The following CDH13 variants were observed in gnomAD, a reference collection of about 807,000 sequenced individuals.
CDH13 encodes the protein cadherin 13, also known as cadherin-13.
Under a neutral mutation model 63.8 loss-of-function variants are expected in CDH13, and 24 were observed. That is an observed-to-expected ratio of 0.38 (90% confidence interval 0.27 to 0.53). The LOEUF is 0.53. Ranked by LOEUF, CDH13 falls within the 20% of genes least tolerant of loss-of-function variation. The pLI, the probability that CDH13 is intolerant of heterozygous loss-of-function variation, is 0.85. For synonymous variants in CDH13, 503 were observed against 355.3 expected, an observed-to-expected ratio of 1.42 and a Z score of -4.67; for missense variants, 1,049 against 903.1, an observed-to-expected ratio of 1.16 and a Z score of -2.07.
intron 6 of CDH13, among the ~76,000 whole-genome samples, chr16:83,437,227 C>T (rs534271906): frequency 1.3e-5 from 2 of 152,126 alleles, no homozygotes; most frequent in African/African-American, 2.4e-5. Context: ...GGGTGAGTTA[C>T]TTGACCTCTC....
intron 4 of CDH13, among the ~76,000 whole-genome samples, chr16:83,125,962 A>T (rs549903520): frequency 2.4e-4 from 36 of 152,184 alleles, no homozygotes; most frequent in Non-Finnish European, 4.3e-4. Flanking sequence ...TCATATCCAG[A>T]ATCGGATATG....
At chr16:82,784,049 C>T (rs1159244479) in intron 1 of CDH13, among the ~76,000 whole-genome samples, 2 of 152,092 alleles carry the variant, frequency 1.3e-5, no homozygotes, top group Non-Finnish European at 1.5e-5. Context: ...CACTCTTGCC[C>T]AGTGCTTGTT....
intron 8 of CDH13, among the ~76,000 whole-genome samples, chr16:83,618,589 T>G (rs1475545190): frequency 6.6e-6 from 1 of 152,006 alleles, no homozygotes; most frequent in Non-Finnish European, 1.5e-5. Flanking sequence ...TGCACTAACA[T>G]AGCAAGTCAC....
chr16:83,037,995 G>C (rs867942801), intron 3 of CDH13, among the ~76,000 whole-genome samples: 1 of 152,166 alleles, frequency 6.6e-6, no homozygotes, highest in South Asian at 2.1e-4. Flanking sequence ...CTGAGGCCCT[G>C]AGACAGAAGC....
intron 10 of CDH13, among the ~76,000 whole-genome samples, chr16:83,711,680 C>A (rs1222830803): frequency 2.0e-5 from 3 of 152,076 alleles, no homozygotes; most frequent in Non-Finnish European, 2.9e-5. Flanking sequence ...TACCACCTGG[C>A]TAATTTTTGT....
intron 1 of CDH13, among the ~76,000 whole-genome samples, chr16:82,705,465 A>C (rs1456929782): frequency 6.6e-6 from 1 of 152,226 alleles, no homozygotes; most frequent in Non-Finnish European, 1.5e-5. Context: ...GGCTTCCTGC[A>C]TCCGTCCCCA....
intron 7 of CDH13, among the ~76,000 whole-genome samples, chr16:83,545,114 T>C (rs182840235): frequency 3.0e-4 from 46 of 152,314 alleles, no homozygotes; most frequent in Admixed American, 8.5e-4. Context: ...GAGCTCATGT[T>C]CTTTACCCAA....
At chr16:83,745,614 C>A (rs366556) in intron 10 of CDH13, among the ~76,000 whole-genome samples, 132,522 of 152,058 alleles carry the variant, frequency 0.87, 59,164 homozygotes, top group Non-Finnish European at 0.97. Flanking sequence ...TGTCAGCCAG[C>A]AATTTCTTAT....
chr16:83,067,048 G>A (rs535323407), intron 3 of CDH13, among the ~76,000 whole-genome samples: 2 of 152,274 alleles, frequency 1.3e-5, no homozygotes, highest in South Asian at 4.1e-4. Flanking sequence ...TGCCATGGAT[G>A]ACTGACCGTT....
intron 13 of CDH13, among the ~76,000 whole-genome samples, chr16:83,784,824 A>G (rs1915771444): frequency 6.6e-6 from 1 of 152,060 alleles, no homozygotes; most frequent in Non-Finnish European, 1.5e-5. Context: ...TTCCCACTGC[A>G]AAGCCCAACA....
intron 2 of CDH13, among the ~76,000 whole-genome samples, chr16:82,924,530 C>T (rs1315445986): frequency 2.0e-5 from 3 of 152,118 alleles, no homozygotes; most frequent in Non-Finnish European, 4.4e-5. Context: ...CCGCTTGTTA[C>T]TTGGAGCCAT....
At chr16:83,417,483 T>TCTTGCCTC (rs2071584905) in intron 6 of CDH13, among the ~76,000 whole-genome samples, 1 of 151,942 alleles carries the variant, frequency 6.6e-6, no homozygotes, top group Non-Finnish European at 1.5e-5. Context: ...GTCACCGTGC[T>TCTTGCCTC]CTTGCCTTCT....
intron 5 of CDH13, among the ~76,000 whole-genome samples, chr16:83,231,141 C>G (rs34291194): frequency 6.6e-6 from 1 of 152,142 alleles, no homozygotes; most frequent in African/African-American, 2.4e-5. Context: ...ATAACTTGCA[C>G]ATCACGGCCC....
At chr16:83,751,121 C>G (rs1408758198) in intron 11 of CDH13, among the ~76,000 whole-genome samples, 4 of 152,144 alleles carry the variant, frequency 2.6e-5, no homozygotes, top group African/African-American at 9.7e-5. Context: ...CCGGACTGTT[C>G]TAAGGTTGGA....
intron 6 of CDH13, among the ~76,000 whole-genome samples, chr16:83,364,012 C>G (rs1040374522): frequency 1.3e-5 from 2 of 152,146 alleles, no homozygotes; most frequent in Non-Finnish European, 2.9e-5. Context: ...TCCCTCCACA[C>G]TCACCCCTCC....
At chr16:82,898,287 G>T (rs1266304878) in intron 2 of CDH13, among the ~76,000 whole-genome samples, 1 of 152,164 alleles carries the variant, frequency 6.6e-6, no homozygotes, top group Non-Finnish European at 1.5e-5. Flanking sequence ...CATTTTGGGA[G>T]GCCAAGGTGG....
intron 4 of CDH13, among the ~76,000 whole-genome samples, chr16:83,215,116 A>T (rs141845798): frequency 6.8e-4 from 72 of 105,336 alleles, no homozygotes; most frequent in Admixed American, 2.4e-3. Flanking sequence ...TTACTCTGTC[A>T]CTCAGGCTAG....
chr16:82,728,361 G>A (rs941225448), intron 1 of CDH13, among the ~76,000 whole-genome samples: 3 of 151,946 alleles, frequency 2.0e-5, no homozygotes, highest in Middle Eastern at 3.2e-3. Flanking sequence ...CCAGCGACAC[G>A]GTACAGGCAC....
intron 2 of CDH13, among the ~76,000 whole-genome samples, chr16:82,914,907 A>T (rs2041939365): frequency 6.6e-6 from 1 of 152,250 alleles, no homozygotes; most frequent in Non-Finnish European, 1.5e-5. Flanking sequence ...CACCATGAGT[A>T]TCAGGAAGTC....
Sources: gnomAD v4.1 joint callset for allele counts (sites outside exome capture counted in the v4.1 genomes callset) on GRCh38, gnomAD v4.1.1 for gene constraint, MANE v1.5 for transcripts, NCBI Gene and HGNC (gene_info 2026-07-23, HGNC 2026-07-21) for gene names.